The following MEMO1 variants were observed in gnomAD, a reference collection of about 807,000 sequenced individuals.
The protein encoded by MEMO1 is protein MEMO1.
MEMO1 carries 6 observed loss-of-function variants against 45.2 expected under a neutral mutation model. That is an observed-to-expected ratio of 0.13 (90% CI 0.07 to 0.26). The LOEUF (loss-of-function observed/expected upper bound fraction) is 0.26. Among genes scored for constraint, MEMO1 ranks in the 10% least tolerant of loss-of-function variants. The probability of loss-of-function intolerance (pLI) is 1.00; values close to 1 mark genes in which losing one functional copy is unlikely to be tolerated. For synonymous variants in MEMO1, 78 were observed against 124.3 expected, an observed-to-expected ratio of 0.63 and a Z score of 2.48; for missense variants, 184 against 370.5, an observed-to-expected ratio of 0.50 and a Z score of 4.13.
At chr2:32,001,810 C>G (rs1284342917) in intron 2 of MEMO1, among the ~76,000 whole-genome samples, 2 of 152,094 alleles carry the variant, frequency 1.3e-5, no homozygotes, top group Non-Finnish European at 2.9e-5. Context: ...AAAGACTTGC[C>G]TGCATTACCA....
At chr2:31,948,812 T>C (rs1223294190) in intron 2 of MEMO1, among the ~76,000 whole-genome samples, 1 of 152,232 alleles carries the variant, frequency 6.6e-6, no homozygotes, top group African/African-American at 2.4e-5. Flanking sequence ...GGCAGGATTT[T>C]GAGATAATCT....
chr2:31,976,388 G>A (rs894490205), intron 2 of MEMO1, among the ~76,000 whole-genome samples: 2 of 151,768 alleles, frequency 1.3e-5, no homozygotes, highest in African/African-American at 4.8e-5. Context: ...AACCAGGCAG[G>A]CCAACAGGGT....
chr2:31,929,373 A>G (rs776589671), intron 4 of MEMO1, among the ~76,000 whole-genome samples: 1 of 151,352 alleles, frequency 6.6e-6, no homozygotes, highest in Admixed American at 6.6e-5. Context: ...ACATTATGAC[A>G]TGAGTTATTT....
At chr2:31,933,383 A>ATATATATATG (rs1185585265) in intron 3 of MEMO1, among the ~76,000 whole-genome samples, 1 of 112,636 alleles carries the variant, frequency 8.9e-6, no homozygotes, top group African/African-American at 3.2e-5. Flanking sequence ...ATATATATAT[A>ATATATATATG]GAAAGGGGAA....
At chr2:31,916,816 T>C (rs1205934371) in intron 6 of MEMO1, among the ~76,000 whole-genome samples, 15 of 152,068 alleles carry the variant, frequency 9.9e-5, no homozygotes, top group Admixed American at 7.9e-4. Context: ...AGACAAAAGA[T>C]TGAGAAAAGT....
At chr2:31,883,281 G>A in intron 8 of MEMO1, 105 bp downstream of exon 8, 2 of 816,146 alleles carry the variant, frequency 2.5e-6, no homozygotes, top group Non-Finnish European at 3.9e-6. Flanking sequence ...TACATTTAAA[G>A]ATAGGGAAAA....
rs143894492 is a variant in MEMO1 at position 31,943,478 on chromosome 2, T to A, written c.62-95A>T. The A allele has an allele frequency of 5.3e-4, 447 of 850,978 alleles. 6 individuals carry two copies. In the East Asian group the frequency reaches 0.011, roughly 20 times the overall value. The allele number at this position is 850,978 out of a possible 1,614,324, so 52.7% of individuals were successfully genotyped here. ...AGCCCTCACTGAACTTATGTGGGAC[T>A]AAACTAGCTTAATGCGCAATAGGAT... On this transcript the variant is annotated intron_variant, in intron 2 of 9. Transcript: ENST00000404530.
At chr2:31,923,261 T>C (rs1682597672) in intron 4 of MEMO1, among the ~76,000 whole-genome samples, 1 of 152,186 alleles carries the variant, frequency 6.6e-6, no homozygotes, top group African/African-American at 2.4e-5. Flanking sequence ...TGGCCACGTA[T>C]GTATCTTCTT....
At chr2:31,937,574 T>C (rs1665068026) in intron 3 of MEMO1, among the ~76,000 whole-genome samples, 1 of 152,214 alleles carries the variant, frequency 6.6e-6, no homozygotes, top group Non-Finnish European at 1.5e-5. Flanking sequence ...ACACGCTTTT[T>C]AGCATTTACA....
chr2:31,967,933 C>G (rs903030406), intron 2 of MEMO1, among the ~76,000 whole-genome samples: 3 of 152,016 alleles, frequency 2.0e-5, no homozygotes, highest in Non-Finnish European at 2.9e-5. Context: ...GGAGAGTCAT[C>G]TGAGGCCTTG....
At chr2:31,974,528 C>T (rs1156597948) in intron 2 of MEMO1, among the ~76,000 whole-genome samples, 2 of 152,070 alleles carry the variant, frequency 1.3e-5, no homozygotes, top group African/African-American at 4.8e-5. Context: ...AGGTGGATCA[C>T]GAGGTCAACA....
chr2:31,868,602 T>G, intron 9 of MEMO1, 110 bp from the exon 10 acceptor site: 2 of 1,004,948 alleles, frequency 2.0e-6, no homozygotes, highest in Non-Finnish European at 2.7e-6. Context: ...AGATTATCTC[T>G]TTTGCTCTTT....
intron 3 of MEMO1, among the ~76,000 whole-genome samples, chr2:31,940,831 C>T (rs1156395461): frequency 6.6e-6 from 1 of 152,184 alleles, no homozygotes; most frequent in Non-Finnish European, 1.5e-5. Flanking sequence ...CTGCCCCTAG[C>T]CAAGTGTCAT....
chr2:31,934,005 G>A (rs969344052), intron 3 of MEMO1, among the ~76,000 whole-genome samples: 1 of 152,122 alleles, frequency 6.6e-6, no homozygotes, highest in East Asian at 1.9e-4. Context: ...CTAACACCTG[G>A]TTCTTGATCT....
chr2:31,999,522 T>C (rs916449626), intron 2 of MEMO1, among the ~76,000 whole-genome samples: 3 of 152,018 alleles, frequency 2.0e-5, no homozygotes, highest in Non-Finnish European at 4.4e-5. Flanking sequence ...ATACAAAAAT[T>C]TGCCAGGCAC....
chr2:31,930,421 C>T (rs1330979164), intron 4 of MEMO1, among the ~76,000 whole-genome samples: 1 of 152,070 alleles, frequency 6.6e-6, no homozygotes, highest in Non-Finnish European at 1.5e-5. Flanking sequence ...TTTCCATTAA[C>T]CTATTTAACA....
rs397800267 is a variant in MEMO1, at chr2:31,993,949, C to CTT, written c.61+16236_61+16237dup. ...AATACAGAAATATCATCAATACTTTCTTTTTTTTTTTTTTTTTTTTTTTTT... is the reference window on the plus strand; with the variant it reads ...AATACAGAAATATCATCAATACTTTCTTTTTTTTTTTTTTTTTTTTTTTTTTT... On this transcript the variant is annotated intron_variant, in intron 2 of 9. Coordinates refer to ENST00000404530, the MANE Select transcript of MEMO1 (RefSeq NM_001301833.4). 1.9e-3 allele frequency among the ~76,000 whole-genome samples: 137 copies of CTT among 73,618 alleles called. 7 individuals carry two copies. Among genetic ancestry groups the CTT allele is most frequent in the African/African-American group, 2.3e-3 (47 of 20,532 alleles). The allele number at this position is 73,618 out of a possible 152,430, so 48.3% of individuals were successfully genotyped here.
chr2:32,006,398 G>T (rs1328235631), intron 2 of MEMO1, among the ~76,000 whole-genome samples: 1 of 152,118 alleles, frequency 6.6e-6, no homozygotes, highest in East Asian at 1.9e-4. Context: ...TATGTTGCTG[G>T]TCCAGAGATC....
Position 31,930,811 on chromosome 2 carries a change from A to ATTTTTTTTTTTT in MEMO1, c.212+1244_212+1255dup, listed in dbSNP as rs376524077. ...CAGGCGTGTGCCACCACGCCTGGCA[A>ATTTTTTTTTTTT]TTTTTTTTTTTTTTTTTTTTGTATT... On this transcript the variant is annotated intron_variant, in intron 4 of 9. Coordinates refer to ENST00000404530, the MANE Select transcript of MEMO1 (RefSeq NM_001301833.4). 4.9e-3 allele frequency among the ~76,000 whole-genome samples: 617 copies of ATTTTTTTTTTTT among 125,990 alleles called. 14 individuals are homozygous for ATTTTTTTTTTTT. Among genetic ancestry groups the ATTTTTTTTTTTT allele is most frequent in the African/African-American group, 0.018 (571 of 32,018 alleles). 82.7% of individuals were successfully genotyped at this position (125,990 alleles called of 152,430 possible).
Sources: allele counts gnomAD v4.1 joint callset (sites outside exome capture counted in the v4.1 genomes callset), GRCh38; gene constraint gnomAD v4.1.1; transcripts MANE v1.5; gene names NCBI Gene and HGNC (gene_info 2026-07-23, HGNC 2026-07-21).